Variants in MNS1 observed in about 807,000 individuals in gnomAD.
MNS1 encodes meiosis specific nuclear structural 1.
MNS1 carries 63 observed loss-of-function variants against 72.0 expected under a neutral mutation model. That is an observed-to-expected ratio of 0.87 (90% CI 0.71 to 1.08). MNS1 has a LOEUF of 1.08. Among genes scored for constraint, MNS1 ranks in the 50% least tolerant of loss-of-function variants. The pLI is 0.00. For missense variants in MNS1, 604 were observed against 562.4 expected (o/e 1.07, Z -0.75); for synonymous variants, 188 against 172.1 (o/e 1.09, Z -0.72).
intron 8 of MNS1, among the ~76,000 whole-genome samples, chr15:56,432,876 G>A (rs899025616): frequency 6.6e-6 from 1 of 152,186 alleles, no homozygotes; most frequent in African/African-American, 2.4e-5. Flanking sequence ...AGTCATGTAA[G>A]TCTCACTTAG....
In MNS1 at chr15:56,443,441, T is replaced by G. The variant is rs1439598169; in HGVS notation, c.1000A>C (p.Ser334Arg). 6.3e-7 allele frequency: 1 copy of G among 1,578,614 alleles called. No homozygotes were observed. Among genetic ancestry groups the G allele is most frequent in the Non-Finnish European group, 8.6e-7 (1 of 1,169,446 alleles). Residue 334 changes from serine to arginine, a missense_variant, in exon 7 of 10, where the codon AGC becomes CGC. By Grantham distance (110) the Ser-to-Arg change is moderately radical. Transcript: ENST00000260453. ...YQEEQAEIYK[S>R]KLKEEAEKKL... ...TTTCTGAAACTTACTTTTAGCTTGC[T>G]CTTATATATTTCAGCTTGTTCTTCC...
chr15:56,437,758 T>C (rs1440279729), intron 7 of MNS1, among the ~76,000 whole-genome samples: 6 of 152,174 alleles, frequency 3.9e-5, no homozygotes, highest in Admixed American at 3.3e-4. Flanking sequence ...GATAAGCAAC[T>C]TCAGCAAAGT....
intron 7 of MNS1, among the ~76,000 whole-genome samples, chr15:56,438,855 G>C (rs554805584): frequency 6.3e-4 from 96 of 152,264 alleles, no homozygotes; most frequent in Non-Finnish European, 1.2e-3. Flanking sequence ...CTTCTCAAAA[G>C]AAGACATTTA....
At chr15:56,432,814 T>A (rs562865908) in intron 8 of MNS1, among the ~76,000 whole-genome samples, 1 of 152,172 alleles carries the variant, frequency 6.6e-6, no homozygotes, top group African/African-American at 2.4e-5. Context: ...GAGTTTCTCA[T>A]ATTTGAAACA....
rs377638059 is a variant in MNS1 at position 56,443,620 on chromosome 15, A to G, written c.903+18T>C. 43 of 1,605,618 alleles carry G rather than the reference A, an allele frequency of 2.7e-5. No individual in the cohort carries two copies. The African/African-American group carries it at 5.1e-4, about 19-fold the overall frequency. ...TTTCAGAATTTTACTAGTGTTAAAG[A>G]AGTGGTTATTTTAATACCGCATTCT... On this transcript the variant is annotated intron_variant, in intron 6 of 9. Coordinates refer to ENST00000260453, the MANE Select transcript of MNS1 (RefSeq NM_018365.4).
chr15:56,451,895 AC>A (rs2050949805), intron 3 of MNS1, among the ~76,000 whole-genome samples: 1 of 152,156 alleles, frequency 6.6e-6, no homozygotes, highest in Non-Finnish European at 1.5e-5. Flanking sequence ...TTTATTACTT[AC>A]GTCTAGTTTA....
chr15:56,429,943 A>T (rs988832154), intron 9 of MNS1: 2 of 152,196 alleles, frequency 1.3e-5, no homozygotes, highest in African/African-American at 2.4e-5. Flanking sequence ...AATTTAGTTT[A>T]TGAAATGTAT....
chr15:56,431,118 C>G (rs2050580505), intron 9 of MNS1, among the ~76,000 whole-genome samples: 1 of 152,200 alleles, frequency 6.6e-6, no homozygotes, highest in Non-Finnish European at 1.5e-5. Context: ...CTTGCCACTG[C>G]ACTCCAGCCT....
chr15:56,448,627 A>G (rs72742667), intron 3 of MNS1, among the ~76,000 whole-genome samples: 10,555 of 152,092 alleles, frequency 0.069, 458 homozygotes, highest in Non-Finnish European at 0.1. Context: ...TCTTTACCCA[A>G]TTTCCCACTG....
chr15:56,463,743 C>G (rs2051038003), intron 2 of MNS1: 1 of 312,170 alleles, frequency 3.2e-6, no homozygotes, highest in Non-Finnish European at 5.8e-6. Context: ...GATCGTGCCA[C>G]TGCACTGCAA....
chr15:56,431,592 TTGA>T, intron 8 of MNS1, 94 bp from the exon 9 acceptor site: 1 of 1,247,240 alleles, frequency 8.0e-7, no homozygotes, highest in South Asian at 1.3e-5. Context: ...TTAGATAAAA[TTGA>T]TGAACTATTT....
At chr15:56,441,441 C>T (rs1087837) in intron 7 of MNS1, among the ~76,000 whole-genome samples, 137,231 of 152,218 alleles carry the variant, frequency 0.9, 61,876 homozygotes, top group Middle Eastern at 0.96. Flanking sequence ...TTCTGACTAC[C>T]TAGTCTATAG....
Position 56,465,052 on chromosome 15 carries a change from A to C in MNS1, c.-80T>G, listed in dbSNP as rs1387930326. 1 of 1,574,772 alleles carries C rather than the reference A, an allele frequency of 6.4e-7. No individual in the cohort carries two copies. Among genetic ancestry groups the C allele is most frequent in the East Asian group, 2.3e-5 (1 of 43,566 alleles). ...GCAAACGCAGCAGCCAGCAGCCCCA[A>C]GGAGCGCACCTGGCTGCGCGCGCTC... On this transcript the variant is annotated 5_prime_UTR_variant, in exon 1 of 10. Transcript: ENST00000260453.
intron 7 of MNS1, among the ~76,000 whole-genome samples, chr15:56,438,867 G>C (rs2050772810): frequency 6.6e-6 from 1 of 152,152 alleles, no homozygotes; most frequent in Non-Finnish European, 1.5e-5. Context: ...AGACATTTAT[G>C]CAGCCAACAG....
chr15:56,441,599 A>G (rs1837307344), intron 7 of MNS1, among the ~76,000 whole-genome samples: 3 of 152,266 alleles, frequency 2.0e-5, no homozygotes, highest in Admixed American at 2.0e-4. Context: ...CAGGAAATGA[A>G]GTTATCAACA....
At chr15:56,434,939 A>G (rs1392151873) in intron 7 of MNS1, among the ~76,000 whole-genome samples, 3 of 152,096 alleles carry the variant, frequency 2.0e-5, no homozygotes, top group Non-Finnish European at 4.4e-5. Context: ...ATTCAAATAT[A>G]GTTGGAACAG....
rs191250337 is a variant in MNS1, at chr15:56,443,619, G to T, written c.903+19C>A. ...ATTTCAGAATTTTACTAGTGTTAAA[G>T]AAGTGGTTATTTTAATACCGCATTC... On this transcript the variant is annotated intron_variant, in intron 6 of 9. Coordinates refer to ENST00000260453, the MANE Select transcript of MNS1 (RefSeq NM_018365.4). 8.1e-6 allele frequency: 13 copies of T among 1,605,424 alleles called. 1 individual carries two copies. In the Admixed American group the frequency reaches 1.2e-4, roughly 15 times the overall value.
Position 56,444,531 on chromosome 15 carries a change from T to A in MNS1, c.599A>T (p.Lys200Ile). ...CTGCTCATAAGCTTCCTGCTTTTTT[T>A]TTTCTTGTTCTTCAAGTTGTTTCTC... ...DLEKQLEEQE[K>I]KKQEAYEQLL... The change falls in exon 5 of 10, where the codon AAA becomes ATA. Residue 200 changes from lysine to isoleucine, a missense_variant. Physicochemically the swap from Lys to Ile is moderately radical, Grantham distance 102. Coordinates refer to ENST00000260453, the MANE Select transcript of MNS1 (RefSeq NM_018365.4). The A allele has an allele frequency of 6.2e-7, 1 of 1,612,786 alleles. No homozygotes were observed. The highest frequency in any genetic ancestry group is 1.1e-5 in the South Asian group (1 of 90,972).
At position 56,446,444 on chromosome 15, in the gene MNS1, T is replaced by C. The variant is rs573039400; in HGVS notation, c.456+397A>G. Among the ~76,000 whole-genome samples, 5 of 152,150 alleles carry C rather than the reference T, an allele frequency of 3.3e-5. No individual in the cohort carries two copies. In the East Asian group the frequency reaches 9.7e-4, roughly 29 times the overall value. Reference sequence around the variant, plus strand: ...ACATGAGAAAAAGAGATGGCTTTTATAAAACTGGAAAGTTTCCTACATAAA... The same window carrying C: ...ACATGAGAAAAAGAGATGGCTTTTACAAAACTGGAAAGTTTCCTACATAAA... On this transcript the variant is annotated intron_variant, in intron 4 of 9. Transcript: ENST00000260453.
Sources: allele counts gnomAD v4.1 joint callset (sites outside exome capture counted in the v4.1 genomes callset), GRCh38; gene constraint gnomAD v4.1.1; transcripts MANE v1.5; gene names NCBI Gene and HGNC (gene_info 2026-07-23, HGNC 2026-07-21).